VPS8: variants seen among roughly 807,000 people sequenced by gnomAD.
VPS8 encodes the protein VPS8 subunit of CORVET complex.
A neutral mutation model predicts 216.4 loss-of-function variants in VPS8; 129 were observed. That is an observed-to-expected ratio of 0.60 (90% CI 0.52 to 0.69). The LOEUF is 0.69. Among genes scored for constraint, VPS8 ranks in the 30% least tolerant of loss-of-function variants. The pLI, the probability that VPS8 is intolerant of heterozygous loss-of-function variation, is 0.00. For missense variants in VPS8, 1,531 were observed against 1,683.5 expected, an observed-to-expected ratio of 0.91 and a Z score of 1.59; for synonymous variants, 571 against 565.4, an observed-to-expected ratio of 1.01 and a Z score of -0.14.
At chr3:184,926,455 A>G in intron 30 of VPS8, 139 bp from the exon 31 acceptor site, 1 of 710,536 alleles carries the variant, frequency 1.4e-6, no homozygotes, top group Non-Finnish European at 2.3e-6. Context: ...TCAGTTGGGA[A>G]GGTAGCCTAC....
Position 185,052,337 on chromosome 3 carries a change from C to A in VPS8, c.*312C>A. The A allele has an allele frequency of 4.5e-6, 1 of 220,432 alleles. No homozygotes were observed. Among genetic ancestry groups the A allele is most frequent in the South Asian group, 9.2e-5 (1 of 10,826 alleles). 13.7% of individuals were successfully genotyped at this position (220,432 alleles called of 1,614,324 possible). ...CGCCTATTGCGACTTTTTCCATTTA[C>A]CCTGAAGCCTAGAAAGTAGGTGGAA... On this transcript the variant is annotated 3_prime_UTR_variant, in exon 48 of 48. Transcript: ENST00000625842.
intron 1 of VPS8, among the ~76,000 whole-genome samples, chr3:184,818,299 A>G (rs569979010): frequency 1.3e-5 from 2 of 152,262 alleles, no homozygotes; most frequent in East Asian, 3.9e-4. Flanking sequence ...TGGGAGGCTG[A>G]GGCGGTCAGA....
chr3:184,912,987 G>A (rs1182926524), intron 25 of VPS8, among the ~76,000 whole-genome samples: 1 of 152,168 alleles, frequency 6.6e-6, no homozygotes, highest in Non-Finnish European at 1.5e-5. Context: ...TCTTTAGTCA[G>A]AGAACAGGCT....
intron 20 of VPS8, 118 bp downstream of exon 20, chr3:184,869,646 AAC>A (rs563364165): frequency 7.3e-3 from 6,657 of 912,980 alleles, no homozygotes; most frequent in East Asian, 0.01. Flanking sequence ...TGTATTAAAA[AAC>A]ACACACACAC....
At chr3:184,875,320 A>G (rs1253276267) in intron 21 of VPS8, among the ~76,000 whole-genome samples, 2 of 152,130 alleles carry the variant, frequency 1.3e-5, no homozygotes, top group South Asian at 2.1e-4. Flanking sequence ...GCTATTCACT[A>G]TTTTTGCTTT....
chr3:185,024,205 C>A, intron 45 of VPS8, 131 bp from the exon 46 acceptor site: 1 of 821,850 alleles, frequency 1.2e-6, no homozygotes, highest in Non-Finnish European at 1.8e-6. Context: ...ATCTATTAAT[C>A]TATTAATTTC....
chr3:184,907,717 T>G (rs189918784), intron 25 of VPS8, among the ~76,000 whole-genome samples: 156 of 152,350 alleles, frequency 1.0e-3, no homozygotes, highest in African/African-American at 3.7e-3. Flanking sequence ...TTCTACTGAT[T>G]GTTCTGTTTT....
chr3:184,839,037 G>T, intron 6 of VPS8: 1 of 297,256 alleles, frequency 3.4e-6, no homozygotes. Context: ...TGCTTCTTCT[G>T]TGATTTGGCT....
At chr3:184,822,066 AGAGG>A (rs1379993247) in intron 1 of VPS8, among the ~76,000 whole-genome samples, 5 of 129,596 alleles carry the variant, frequency 3.9e-5, no homozygotes, top group African/African-American at 1.8e-4. Flanking sequence ...ATAGAAATAG[AGAGG>A]TTCAGAAAAG....
chr3:184,899,759 T>C (rs1182472209), intron 24 of VPS8, among the ~76,000 whole-genome samples: 1 of 152,224 alleles, frequency 6.6e-6, no homozygotes, highest in Non-Finnish European at 1.5e-5. Flanking sequence ...TTGCTCAAAA[T>C]AATCCCTCAA....
chr3:184,939,538 A>G (rs1742267310), intron 35 of VPS8, among the ~76,000 whole-genome samples: 1 of 150,084 alleles, frequency 6.7e-6, no homozygotes, highest in African/African-American at 2.4e-5. Flanking sequence ...GAAGGCAGAG[A>G]AGATATTGCT....
chr3:184,956,848 A>T (rs1056292401), intron 36 of VPS8, among the ~76,000 whole-genome samples: 1 of 152,226 alleles, frequency 6.6e-6, no homozygotes, highest in Non-Finnish European at 1.5e-5. Context: ...AGTCCTCACT[A>T]TGTGCAAGAC....
rs988553826 is a variant in VPS8, at chr3:185,052,509, G to A, written c.*484G>A. 1.3e-5 allele frequency: 2 copies of A among 153,582 alleles called. No homozygotes were observed. Among genetic ancestry groups the A allele is most frequent in the Admixed American group, 6.5e-5 (1 of 15,302 alleles). 9.5% of individuals were successfully genotyped at this position (153,582 alleles called of 1,614,324 possible). A position where few individuals can be genotyped will look rare whatever the true frequency, so the allele number is the denominator to read the frequency against. ...TGCCTTGGAGAGAGCAGACACTGTG[G>A]GGGCCAGGGCCATCTCCCTTTAATG... is the stretch of plus-strand genomic sequence containing the variant. On this transcript the variant is annotated 3_prime_UTR_variant, in exon 48 of 48. Transcript: ENST00000625842.
chr3:185,032,455 G>T (rs976929186), intron 46 of VPS8, among the ~76,000 whole-genome samples: 13 of 152,260 alleles, frequency 8.5e-5, no homozygotes, highest in African/African-American at 2.9e-4. Flanking sequence ...GTATGAAGGA[G>T]TGGGTGGAGG....
chr3:185,015,541 C>T (rs941741972), intron 45 of VPS8, among the ~76,000 whole-genome samples: 2 of 152,150 alleles, frequency 1.3e-5, no homozygotes, highest in Non-Finnish European at 2.9e-5. Flanking sequence ...CCTGTTGATC[C>T]AGAATAAGAA....
chr3:185,047,129 G>A (rs576956468), intron 46 of VPS8, among the ~76,000 whole-genome samples: 5 of 152,248 alleles, frequency 3.3e-5, no homozygotes, highest in Admixed American at 3.3e-4. Context: ...TTGCTCTGAT[G>A]TCCCCTTCCT....
intron 37 of VPS8, among the ~76,000 whole-genome samples, chr3:184,961,365 A>G (rs1207925488): frequency 1.3e-5 from 2 of 152,224 alleles, no homozygotes; most frequent in African/African-American, 2.4e-5. Flanking sequence ...TGAATTGCCC[A>G]CACATACTTT....
intron 44 of VPS8, 142 bp downstream of exon 44, chr3:184,996,643 T>A (rs1165290674): frequency 2.2e-6 from 2 of 927,212 alleles, no homozygotes; most frequent in Admixed American, 2.9e-5. Flanking sequence ...CCTTACATTC[T>A]GCATTGGGGT....
At chr3:185,026,689 A>C (rs1318803482) in intron 46 of VPS8, among the ~76,000 whole-genome samples, 2 of 137,786 alleles carry the variant, frequency 1.5e-5, no homozygotes, top group Non-Finnish European at 3.1e-5. Context: ...GATTACAGGC[A>C]TGAGCCACTG....
Sources: allele counts gnomAD v4.1 joint callset (sites outside exome capture counted in the v4.1 genomes callset), GRCh38; gene constraint gnomAD v4.1.1; transcripts MANE v1.5; gene names NCBI Gene and HGNC (gene_info 2026-07-23, HGNC 2026-07-21).